The following STK33 variants were observed in gnomAD, a reference collection of about 807,000 sequenced individuals.
STK33 encodes serine/threonine-protein kinase 33.
A neutral mutation model predicts 58.0 loss-of-function variants in STK33; 52 were observed. The ratio of observed to expected loss-of-function variants is 0.90; its 90% CI spans 0.72 to 1.13. STK33 has a LOEUF of 1.13. STK33 is among the 50% of genes most tolerant of loss of function. The pLI, the probability that STK33 is intolerant of heterozygous loss-of-function variation, is 0.00. For synonymous variants in STK33, 215 were observed against 200.1 expected (o/e 1.07, Z -0.63); for missense variants, 630 against 604.2 (o/e 1.04, Z -0.45).
At chr11:8,570,507 C>T (rs1180131874) in intron 1 of STK33, among the ~76,000 whole-genome samples, 1 of 152,120 alleles carries the variant, frequency 6.6e-6, no homozygotes, top group African/African-American at 2.4e-5. Context: ...CTAGAAACAA[C>T]CCAAATGAAT....
chr11:8,438,701 C>A (rs1944365894), intron 12 of STK33, among the ~76,000 whole-genome samples: 1 of 152,070 alleles, frequency 6.6e-6, no homozygotes, highest in Admixed American at 6.6e-5. Context: ...CAAGTTCAAA[C>A]TAAGAAGGCA....
chr11:8,507,935 T>C (rs906133771), intron 1 of STK33, among the ~76,000 whole-genome samples: 3 of 152,148 alleles, frequency 2.0e-5, no homozygotes, highest in African/African-American at 7.2e-5. Flanking sequence ...CTGTCGCCCA[T>C]GTTGCAGTGC....
intron 1 of STK33, among the ~76,000 whole-genome samples, chr11:8,508,248 A>C: frequency 6.7e-6 from 1 of 150,128 alleles, no homozygotes; most frequent in Non-Finnish European, 1.5e-5. Context: ...TACTGAAACA[A>C]ATACTCTACC....
intron 1 of STK33, among the ~76,000 whole-genome samples, chr11:8,590,608 A>C (rs2032445746): frequency 6.6e-6 from 1 of 152,194 alleles, no homozygotes; most frequent in Non-Finnish European, 1.5e-5. Flanking sequence ...ACTGCCCCTC[A>C]CCTTGTAAAC....
intron 15 of STK33, among the ~76,000 whole-genome samples, chr11:8,408,722 C>T (rs534916508): frequency 1.1e-4 from 16 of 152,288 alleles, no homozygotes; most frequent in Admixed American, 7.9e-4. Flanking sequence ...CATTTATATT[C>T]GTACTCATGG....
chr11:8,435,643 A>C, intron 13 of STK33, 64 bp from the exon 14 acceptor site: 1 of 1,017,738 alleles, frequency 9.8e-7, no homozygotes, highest in East Asian at 2.8e-5. Context: ...TACATTTTAC[A>C]ATTTTTTAGG....
chr11:8,541,593 T>G (rs1264509310), intron 1 of STK33, among the ~76,000 whole-genome samples: 1 of 152,188 alleles, frequency 6.6e-6, no homozygotes, highest in Non-Finnish European at 1.5e-5. Flanking sequence ...ATAAAGTATG[T>G]TCCATACATA....
chr11:8,530,012 C>T (rs1229481474), intron 1 of STK33, among the ~76,000 whole-genome samples: 2 of 152,140 alleles, frequency 1.3e-5, no homozygotes, highest in African/African-American at 2.4e-5. Flanking sequence ...TGCTGGTCTT[C>T]CTGGCCCAGA....
intron 14 of STK33, among the ~76,000 whole-genome samples, chr11:8,425,469 G>A (rs995752305): frequency 2.0e-5 from 3 of 152,106 alleles, no homozygotes; most frequent in African/African-American, 4.8e-5. Flanking sequence ...GGCAATGTGG[G>A]CTGTTTTTTG....
intron 1 of STK33, among the ~76,000 whole-genome samples, chr11:8,553,520 G>A (rs1003257345): frequency 1.3e-5 from 2 of 151,752 alleles, no homozygotes; most frequent in Non-Finnish European, 2.9e-5. Flanking sequence ...ATCCATCACT[G>A]ACCAAAATGT....
intron 11 of STK33, among the ~76,000 whole-genome samples, chr11:8,448,387 A>G (rs930662125): frequency 6.6e-6 from 1 of 152,192 alleles, no homozygotes; most frequent in African/African-American, 2.4e-5. Context: ...AAACTATACT[A>G]CAAGGCTACA....
the STK33 span, among the ~76,000 whole-genome samples, chr11:8,355,170 A>T: frequency 6.6e-6 from 1 of 152,148 alleles, no homozygotes; most frequent in African/African-American, 2.4e-5. Context: ...TGCTGCCCTC[A>T]CCAGGCAGTC....
intron 1 of STK33, among the ~76,000 whole-genome samples, chr11:8,563,833 A>T (rs1296152863): frequency 9.9e-5 from 15 of 152,196 alleles, no homozygotes. Flanking sequence ...GACAGCAATC[A>T]GTTGGCCAGG....
In STK33 at chr11:8,457,481, T is replaced by C. The variant is rs1412670672; in HGVS notation, c.559-2A>G. On this transcript the variant is annotated splice_acceptor_variant, in intron 8 of 15. Transcript: ENST00000687296. LOFTEE classifies it high-confidence loss of function. ...AAGCTCCATCACAAGGTACATTTTCTGACATTATATATATAAAAGAGAGAG... is the reference window on the plus strand; with the variant it reads ...AAGCTCCATCACAAGGTACATTTTCCGACATTATATATATAAAAGAGAGAG... 1 of 1,591,314 alleles carries C rather than the reference T, an allele frequency of 6.3e-7. No individual in the cohort carries two copies. Among genetic ancestry groups the C allele is most frequent in the Non-Finnish European group, 8.6e-7 (1 of 1,164,296 alleles).
intron 1 of STK33, among the ~76,000 whole-genome samples, chr11:8,508,238 T>TA: frequency 6.6e-6 from 1 of 150,722 alleles, no homozygotes; most frequent in Non-Finnish European, 1.5e-5. Flanking sequence ...TACATGTATA[T>TA]ACTGAAACAA....
the STK33 span, among the ~76,000 whole-genome samples, chr11:8,345,581 A>T: frequency 6.6e-6 from 1 of 152,216 alleles, no homozygotes; most frequent in Admixed American, 6.5e-5. Context: ...GCCAGGGAGT[A>T]GGGGAACGTG....
chr11:8,579,006 G>C (rs1319922347), intron 1 of STK33, among the ~76,000 whole-genome samples: 1 of 151,992 alleles, frequency 6.6e-6, no homozygotes. Flanking sequence ...TTATTATTTA[G>C]TGTTATCTTT....
intron 8 of STK33, among the ~76,000 whole-genome samples, chr11:8,459,172 G>T (rs6578968): frequency 0.53 from 80,949 of 151,982 alleles, 21,730 homozygotes; most frequent in South Asian, 0.64. Context: ...TTATAACTGT[G>T]TTATAATTAT....
the STK33 span, among the ~76,000 whole-genome samples, chr11:8,360,160 A>T: frequency 6.6e-6 from 1 of 152,250 alleles, no homozygotes; most frequent in Non-Finnish European, 1.5e-5. Flanking sequence ...CTGCGACTTG[A>T]TGGTGGCATG....
Sources: allele counts gnomAD v4.1 joint callset (sites outside exome capture counted in the v4.1 genomes callset), GRCh38; gene constraint gnomAD v4.1.1; transcripts MANE v1.5; gene names NCBI Gene and HGNC (gene_info 2026-07-23, HGNC 2026-07-21).